The following NXPE4 variants were observed in gnomAD, a reference collection of about 807,000 sequenced individuals.
NXPE4 encodes NXPE family member 4.
In NXPE4, 42 loss-of-function variants were observed where a neutral mutation model predicts 33.3. The ratio of observed to expected loss-of-function variants is 1.26; its 90% CI spans 0.98 to 1.63. The LOEUF is 1.63. Ranked by LOEUF, NXPE4 falls within the 40% of genes most tolerant of loss-of-function variation. The pLI is 0.00. For missense variants in NXPE4, 709 were observed against 647.6 expected, an observed-to-expected ratio of 1.09 and a Z score of -1.03; for synonymous variants, 253 against 234.9, an observed-to-expected ratio of 1.08 and a Z score of -0.71.
At chr11:114,631,206 A>G in the NXPE4 span, among the ~76,000 whole-genome samples, 1 of 152,038 alleles carries the variant, frequency 6.6e-6, no homozygotes, top group Non-Finnish European at 1.5e-5. Context: ...TCATGCTGCT[A>G]TAAAGACACA....
At chr11:114,608,962 A>T in the NXPE4 span, among the ~76,000 whole-genome samples, 1 of 151,868 alleles carries the variant, frequency 6.6e-6, no homozygotes, top group African/African-American at 2.4e-5. Context: ...CCTGTGGAAA[A>T]TAAGTGTTGC....
the NXPE4 span, among the ~76,000 whole-genome samples, chr11:114,662,501 A>G: frequency 6.6e-6 from 1 of 152,284 alleles, no homozygotes; most frequent in East Asian, 1.9e-4. Flanking sequence ...AGCTGCTACT[A>G]GTGCTGAACT....
chr11:114,650,428 A>G, the NXPE4 span, among the ~76,000 whole-genome samples: 1 of 152,192 alleles, frequency 6.6e-6, no homozygotes, highest in African/African-American at 2.4e-5. Flanking sequence ...GAAGACCAGG[A>G]GATTGAGAGG....
At chr11:114,640,176 T>A in the NXPE4 span, among the ~76,000 whole-genome samples, 1 of 114,752 alleles carries the variant, frequency 8.7e-6, no homozygotes, top group Non-Finnish European at 1.7e-5. Context: ...ATAAATAATT[T>A]ATATATTATA....
the NXPE4 span, among the ~76,000 whole-genome samples, chr11:114,611,312 G>GTTA: frequency 6.6e-6 from 1 of 150,886 alleles, no homozygotes; most frequent in Non-Finnish European, 1.5e-5. Flanking sequence ...GGTAATCACT[G>GTTA]TTACCCAGTG....
At chr11:114,633,464 T>C in the NXPE4 span, among the ~76,000 whole-genome samples, 1 of 148,560 alleles carries the variant, frequency 6.7e-6, no homozygotes, top group Admixed American at 6.9e-5. Context: ...TTCTTTTTTT[T>C]ATTTTAGTAT....
the NXPE4 span, among the ~76,000 whole-genome samples, chr11:114,623,077 A>G: frequency 1.3e-5 from 2 of 152,144 alleles, no homozygotes; most frequent in Non-Finnish European, 1.5e-5. Flanking sequence ...AACCACTGTT[A>G]TCTGGTGGAT....
chr11:114,631,529 G>C, the NXPE4 span, among the ~76,000 whole-genome samples: 3 of 121,208 alleles, frequency 2.5e-5, no homozygotes, highest in East Asian at 6.1e-4. Context: ...GTTGTGGGGT[G>C]GGGGGAGGGG....
At chr11:114,643,648 T>G in the NXPE4 span, among the ~76,000 whole-genome samples, 1 of 152,126 alleles carries the variant, frequency 6.6e-6, no homozygotes, top group African/African-American at 2.4e-5. Flanking sequence ...CCATGCTGTT[T>G]TCATTACTGT....
Position 114,594,746 on chromosome 11 carries a change from A to C in NXPE4, c.14T>G (p.Met5Arg). Residue 5 changes from methionine to arginine, a missense_variant, in exon 2 of 6, where the codon ATG (methionine) becomes AGG (arginine). Physicochemically the swap from Met to Arg is moderately conservative, Grantham distance 91 (BLOSUM62 -1). Transcript: ENST00000375478. ...TGCCAATAGTGACTTATAATTTATC[A>C]TACTTATTTTCATGATTAGGATCCT... Reference protein sequence around the residue: MKISMINYKSLLALL... With the variant: MKISRINYKSLLALL... 1 of 1,552,908 alleles carries C rather than the reference A, an allele frequency of 6.4e-7. No individual in the cohort carries two copies. Among genetic ancestry groups the C allele is most frequent in the Non-Finnish European group, 8.8e-7 (1 of 1,130,578 alleles).
the NXPE4 span, among the ~76,000 whole-genome samples, chr11:114,625,322 A>G: frequency 6.6e-6 from 1 of 150,396 alleles, no homozygotes; most frequent in Non-Finnish European, 1.5e-5. Context: ...TAAGTGTTGC[A>G]CTGTGGGTAA....
the NXPE4 span, among the ~76,000 whole-genome samples, chr11:114,673,712 T>C: frequency 2.2e-3 from 330 of 151,994 alleles, 2 homozygotes; most frequent in African/African-American, 5.4e-3. Flanking sequence ...AACTTGGGAA[T>C]TGAGTCATGC....
the NXPE4 span, among the ~76,000 whole-genome samples, chr11:114,616,879 C>A: frequency 6.6e-6 from 1 of 151,788 alleles, no homozygotes. Flanking sequence ...GACTGTTACC[C>A]GCTGGATACT....
the NXPE4 span, among the ~76,000 whole-genome samples, chr11:114,632,796 A>G: frequency 1.8e-3 from 1 of 570 alleles, no homozygotes; most frequent in Non-Finnish European, 2.2e-3. Flanking sequence ...TTATATAATT[A>G]TATATAATTA....
chr11:114,651,303 A>T, the NXPE4 span, among the ~76,000 whole-genome samples: 1 of 151,592 alleles, frequency 6.6e-6, no homozygotes, highest in African/African-American at 2.4e-5. Context: ...TGACTTTAGG[A>T]GTGAAGCCGC....
chr11:114,626,103 G>T, the NXPE4 span, among the ~76,000 whole-genome samples: 4 of 152,288 alleles, frequency 2.6e-5, no homozygotes, highest in African/African-American at 9.6e-5. Flanking sequence ...TGGGAGAGGG[G>T]CGCCCGCCAT....
the NXPE4 span, among the ~76,000 whole-genome samples, chr11:114,608,215 T>A: frequency 1.3e-5 from 2 of 151,522 alleles, no homozygotes; most frequent in Admixed American, 1.3e-4. Flanking sequence ...GGATAATACG[T>A]GTTGCCTCAT....
chr11:114,617,665 C>A, the NXPE4 span, among the ~76,000 whole-genome samples: 1 of 152,086 alleles, frequency 6.6e-6, no homozygotes, highest in African/African-American at 2.4e-5. Flanking sequence ...CTAGGGTAAC[C>A]ACTGTTACCC....
intron 2 of NXPE4, among the ~76,000 whole-genome samples, chr11:114,594,408 A>G (rs1591357580): frequency 6.6e-6 from 1 of 152,212 alleles, no homozygotes; most frequent in Non-Finnish European, 1.5e-5. Flanking sequence ...GAAAGTAAAA[A>G]GATGAGCTAA....
Sources: gnomAD v4.1 joint callset for allele counts (sites outside exome capture counted in the v4.1 genomes callset) on GRCh38, gnomAD v4.1.1 for gene constraint, MANE v1.5 for transcripts, NCBI Gene and HGNC (gene_info 2026-07-23, HGNC 2026-07-21) for gene names.